SEMA5A: variants seen among roughly 807,000 people sequenced by gnomAD.
SEMA5A encodes semaphorin-5A.
Under a neutral mutation model 135.5 loss-of-function variants are expected in SEMA5A, and 55 were observed. The ratio of observed to expected loss-of-function variants is 0.41; its 90% CI spans 0.33 to 0.51. The LOEUF (loss-of-function observed/expected upper bound fraction) is 0.51. Ranked by LOEUF, SEMA5A falls within the 20% of genes least tolerant of loss-of-function variation. The pLI is 0.37. For missense variants in SEMA5A, 1,290 were observed against 1,419.9 expected (o/e 0.91, Z 1.47); for synonymous variants, 580 against 546.5 (o/e 1.06, Z -0.85).
rs1750716419 is a variant in SEMA5A, at chr5:9,284,855, T to C, written c.270+33517A>G. 2.0e-5 allele frequency among the ~76,000 whole-genome samples: 3 copies of C among 152,188 alleles called. No homozygotes were observed. In the South Asian group the frequency reaches 6.2e-4, roughly 31 times the overall value. On this transcript the variant is annotated intron_variant, in intron 5 of 22. Coordinates refer to ENST00000382496, the MANE Select transcript of SEMA5A (RefSeq NM_003966.3). ...GTAGCACACATTGCTTCAATTATAG[T>C]TCTATTCTAGTACTGGGGGAGGGAA...
At chr5:9,069,019 A>G (rs1338792078) in intron 16 of SEMA5A, among the ~76,000 whole-genome samples, 2 of 152,210 alleles carry the variant, frequency 1.3e-5, no homozygotes, top group African/African-American at 4.8e-5. Flanking sequence ...GATGACGTAC[A>G]GGGAAGGTGG....
At chr5:9,373,091 G>A (rs1480172295) in intron 3 of SEMA5A, among the ~76,000 whole-genome samples, 1 of 152,190 alleles carries the variant, frequency 6.6e-6, no homozygotes, top group Non-Finnish European at 1.5e-5. Flanking sequence ...TAGACTAGGA[G>A]AGGGGCTGGG....
intron 11 of SEMA5A, among the ~76,000 whole-genome samples, chr5:9,175,432 G>T (rs1418747347): frequency 1.3e-5 from 2 of 152,096 alleles, no homozygotes; most frequent in African/African-American, 2.4e-5. Flanking sequence ...AAAGTGCAGA[G>T]ATGGCTAGAG....
chr5:9,444,250 A>G (rs777222862), intron 1 of SEMA5A, among the ~76,000 whole-genome samples: 42 of 151,984 alleles, frequency 2.8e-4, no homozygotes, highest in Non-Finnish European at 4.7e-4. Context: ...AGTGTAACCA[A>G]ACTTTTGTGG....
At chr5:9,406,162 G>A (rs183302649) in intron 2 of SEMA5A, among the ~76,000 whole-genome samples, 1 of 152,298 alleles carries the variant, frequency 6.6e-6, no homozygotes, top group African/African-American at 2.4e-5. Flanking sequence ...AGAGGACTCC[G>A]CATGCACAAG....
chr5:9,442,052 A>G (rs759915936), intron 1 of SEMA5A, among the ~76,000 whole-genome samples: 1 of 152,204 alleles, frequency 6.6e-6, no homozygotes, highest in African/African-American at 2.4e-5. Flanking sequence ...AACTCCAGGT[A>G]TGAGGAGAAT....
chr5:9,424,510 C>T (rs926687806), intron 2 of SEMA5A, among the ~76,000 whole-genome samples: 2 of 152,142 alleles, frequency 1.3e-5, no homozygotes, highest in Non-Finnish European at 2.9e-5. Context: ...GTCAATGACC[C>T]CCAGATACAC....
At chr5:9,080,580 G>C (rs1331241257) in intron 16 of SEMA5A, among the ~76,000 whole-genome samples, 1 of 150,582 alleles carries the variant, frequency 6.6e-6, no homozygotes, top group Admixed American at 6.6e-5. Flanking sequence ...TGAAACAATT[G>C]TAGCATCTTC....
chr5:9,385,994 G>T (rs915705145), intron 2 of SEMA5A, among the ~76,000 whole-genome samples: 80 of 151,854 alleles, frequency 5.3e-4, no homozygotes, highest in African/African-American at 1.9e-3. Context: ...TAGAGACAGG[G>T]TTTCACCATG....
intron 11 of SEMA5A, among the ~76,000 whole-genome samples, chr5:9,167,568 G>A (rs1252737111): frequency 1.3e-5 from 2 of 152,116 alleles, no homozygotes; most frequent in African/African-American, 4.8e-5. Flanking sequence ...AGATCTGCAT[G>A]CTTTGCATAT....
chr5:9,249,338 AAATGTGCACAACAAACCTT>A (rs1748652226), intron 5 of SEMA5A, among the ~76,000 whole-genome samples: 1 of 152,200 alleles, frequency 6.6e-6, no homozygotes, highest in Non-Finnish European at 1.5e-5. Flanking sequence ...CCACTGACTT[AAATGTGCACAACAAACCTT>A]ACTCCGGCTA....
intron 4 of SEMA5A, among the ~76,000 whole-genome samples, chr5:9,332,774 A>G (rs1753211852): frequency 6.6e-6 from 1 of 152,254 alleles, no homozygotes; most frequent in Non-Finnish European, 1.5e-5. Flanking sequence ...TTGGTGACTT[A>G]ATGTTCTCAT....
At chr5:9,407,810 G>C (rs1456395572) in intron 2 of SEMA5A, among the ~76,000 whole-genome samples, 1 of 152,108 alleles carries the variant, frequency 6.6e-6, no homozygotes, top group Non-Finnish European at 1.5e-5. Context: ...TGGATGGTGA[G>C]TACCTAGCGC....
chr5:9,245,908 T>C (rs1748455561), intron 5 of SEMA5A, among the ~76,000 whole-genome samples: 1 of 152,046 alleles, frequency 6.6e-6, no homozygotes, highest in Non-Finnish European at 1.5e-5. Context: ...AAAAACAAAG[T>C]GATGGAAGAT....
At chr5:9,217,319 C>T (rs1746685141) in intron 8 of SEMA5A, among the ~76,000 whole-genome samples, 1 of 152,162 alleles carries the variant, frequency 6.6e-6, no homozygotes, top group Non-Finnish European at 1.5e-5. Context: ...ATATAGGCCC[C>T]CAATCTCTTC....
At chr5:9,074,261 T>C (rs1402780848) in intron 16 of SEMA5A, among the ~76,000 whole-genome samples, 3 of 152,172 alleles carry the variant, frequency 2.0e-5, no homozygotes, top group Non-Finnish European at 4.4e-5. Context: ...CATAGTCTCT[T>C]CTGAAAATGA....
At chr5:9,441,297 G>A (rs187334892) in intron 1 of SEMA5A, among the ~76,000 whole-genome samples, 93 of 152,290 alleles carry the variant, frequency 6.1e-4, no homozygotes, top group Middle Eastern at 6.8e-3. Flanking sequence ...ATGTGATGTG[G>A]GCTCTAAGGG....
chr5:9,063,630 T>C (rs1737302858), intron 17 of SEMA5A, among the ~76,000 whole-genome samples: 1 of 152,356 alleles, frequency 6.6e-6, no homozygotes, highest in African/African-American at 2.4e-5. Context: ...ATCACAGGCC[T>C]GAGAAACTCC....
Position 9,054,177 on chromosome 5 carries a change from A to G in SEMA5A, c.2599T>C (p.Ser867Pro), listed in dbSNP as rs746993347. 1.2e-6 allele frequency: 2 copies of G among 1,614,024 alleles called. No individual in the cohort carries two copies. Residue 867 changes from serine (S) to proline (P), a missense_variant, in exon 19 of 23, where the codon TCT (serine) becomes CCT (proline). Physicochemically the swap from Ser to Pro is moderately conservative, Grantham distance 74. This residue lies in a region of SEMA5A where 1,029 missense variants were observed against 1,086.6 expected (regional missense o/e 0.95). Coordinates refer to ENST00000382496, the MANE Select transcript of SEMA5A (RefSeq NM_003966.3). ...CGGGHYMRTR[S>P]CSNPAPAYGG... ...TAGGCCGGGGCTGGATTGGAGCAAG[A>G]GCGGGTCCTCATATAGTGTCCACCG...
Sources: allele counts gnomAD v4.1 joint callset (sites outside exome capture counted in the v4.1 genomes callset), GRCh38; gene constraint gnomAD v4.1.1; regional missense constraint gnomAD v4.1.1; transcripts MANE v1.5; gene names NCBI Gene and HGNC (gene_info 2026-07-23, HGNC 2026-07-21).